Variants in ARRDC5 observed in about 807,000 individuals in gnomAD.
The protein encoded by ARRDC5 is arrestin domain containing 5.
A neutral mutation model predicts 13.3 loss-of-function variants in ARRDC5; 12 were observed. That is an observed-to-expected ratio of 0.90 (90% CI 0.58 to 1.46). The LOEUF (loss-of-function observed/expected upper bound fraction) is 1.46, where lower values mean the gene tolerates loss of function less well. ARRDC5 is among the 40% of genes most tolerant of loss of function. The pLI, the probability that ARRDC5 is intolerant of heterozygous loss-of-function variation, is 0.00. For synonymous variants in ARRDC5, 181 were observed against 173.4 expected, an observed-to-expected ratio of 1.04 and a Z score of -0.34; for missense variants, 406 against 418.7, an observed-to-expected ratio of 0.97 and a Z score of 0.26.
At chr19:4,913,212 A>G in the ARRDC5 span, among the ~76,000 whole-genome samples, 2 of 151,136 alleles carry the variant, frequency 1.3e-5, no homozygotes, top group East Asian at 1.9e-4. Flanking sequence ...TAGTGTGACA[A>G]TGACAGGAAC....
the ARRDC5 span, among the ~76,000 whole-genome samples, chr19:4,908,243 G>T: frequency 6.6e-6 from 1 of 152,036 alleles, no homozygotes; most frequent in Non-Finnish European, 1.5e-5. Context: ...AGGACGTGGG[G>T]GTCTAGAGAC....
At chr19:4,907,980 G>A in the ARRDC5 span, among the ~76,000 whole-genome samples, 1 of 151,984 alleles carries the variant, frequency 6.6e-6, no homozygotes, top group Non-Finnish European at 1.5e-5. Context: ...CCAAAGTGCT[G>A]GGATTACAGG....
In ARRDC5 at chr19:4,891,206, T is replaced by C. The variant is rs375874953; in HGVS notation, c.827A>G (p.His276Arg). 71 of 1,613,722 alleles carry C rather than the reference T, an allele frequency of 4.4e-5. No individual in the cohort carries two copies. Among genetic ancestry groups the C allele is most frequent in the Non-Finnish European group, 4.5e-5 (53 of 1,179,858 alleles). The change falls in exon 3 of 3, where the codon CAC (histidine) becomes CGC (arginine). Residue 276 changes from histidine (H) to arginine (R), a missense_variant. His to Arg is a conservative substitution (Grantham distance 29). Coordinates refer to ENST00000650722, the MANE Select transcript of ARRDC5 (RefSeq NM_001080523.3). ...GGTGGTGACCAGCTCGTAGCGAGTG[T>C]GCATGATCTCACCGTCCTGCGTGCT... is the stretch of plus-strand genomic sequence containing the variant. Reference protein sequence around the residue: ...SSSTQDGEIMHTRYELVTTVH... With the variant: ...SSSTQDGEIMRTRYELVTTVH...
At position 4,890,568 on chromosome 19, in the gene ARRDC5, T is replaced by C; in HGVS notation, c.*478A>G. The C allele has an allele frequency of 6.1e-6, 1 of 164,754 alleles. No individual in the cohort carries two copies. The allele number at this position is 164,754 out of a possible 1,614,324, so 10.2% of individuals were successfully genotyped here. On this transcript the variant is annotated 3_prime_UTR_variant, in exon 3 of 3. Transcript: ENST00000650722. Reference sequence around the variant, plus strand: ...CCACCATGCTCAGCCCCCTTGGTACTGTTGACATTCAGGATAAACAATTCC... The same window carrying C: ...CCACCATGCTCAGCCCCCTTGGTACCGTTGACATTCAGGATAAACAATTCC...
At chr19:4,900,102 G>A (rs1230027536) in intron 1 of ARRDC5, among the ~76,000 whole-genome samples, 1 of 147,884 alleles carries the variant, frequency 6.8e-6, no homozygotes, top group Non-Finnish European at 1.5e-5. Flanking sequence ...ACAGGCATGA[G>A]CCACCGCGCC....
intron 2 of ARRDC5, among the ~76,000 whole-genome samples, chr19:4,894,404 G>C (rs533204891): frequency 1.2e-3 from 183 of 147,858 alleles, no homozygotes; most frequent in African/African-American, 4.3e-3. Context: ...CCAGCTACTT[G>C]GGAGGCTGAG....
the ARRDC5 span, among the ~76,000 whole-genome samples, chr19:4,914,512 G>C: frequency 6.6e-6 from 1 of 152,230 alleles, no homozygotes; most frequent in East Asian, 1.9e-4. Flanking sequence ...GGAGGATCTC[G>C]TGGTGGTCTC....
At chr19:4,896,965 AT>A in intron 1 of ARRDC5, 89 bp from the exon 2 acceptor site, 1 of 951,010 alleles carries the variant, frequency 1.1e-6, no homozygotes, top group Non-Finnish European at 1.6e-6. Context: ...TTTTATATTT[AT>A]TTATTTTTGA....
the ARRDC5 span, among the ~76,000 whole-genome samples, chr19:4,914,103 G>A: frequency 2.0e-5 from 3 of 152,106 alleles, no homozygotes; most frequent in Non-Finnish European, 4.4e-5. Context: ...TGGGATTAGA[G>A]GTGTGAACCG....
In ARRDC5 at chr19:4,891,454, G is replaced by A. The variant is rs771433416; in HGVS notation, c.579C>T (p.Phe193=). ...NTFTPGEKVV[F]TTEINNQTSK... ...TGGTCTGGTTGTTGATCTCTGTTGT[G>A]AAGACGACCTTCTCTCCTGGCGTGA... The change falls in exon 3 of 3, where the codon TTC becomes TTT. Residue 193 remains phenylalanine (F), a synonymous_variant. Coordinates refer to ENST00000650722, the MANE Select transcript of ARRDC5 (RefSeq NM_001080523.3). 6 of 1,613,554 alleles carry A rather than the reference G, an allele frequency of 3.7e-6. No individual in the cohort carries two copies. Among genetic ancestry groups the A allele is most frequent in the African/African-American group, 1.3e-5 (1 of 74,938 alleles).
chr19:4,903,021 C>T, upstream of ARRDC5: 1 of 597,640 alleles, frequency 1.7e-6, no homozygotes, highest in East Asian at 2.9e-5. Context: ...CTGTAGTCCT[C>T]ACTGGTTCTT....
chr19:4,892,812 C>A (rs2031556257), intron 2 of ARRDC5, among the ~76,000 whole-genome samples: 1 of 151,890 alleles, frequency 6.6e-6, no homozygotes, highest in Non-Finnish European at 1.5e-5. Flanking sequence ...TATTTAGATT[C>A]TTGCCTATTC....
rs1179773818 is a variant in ARRDC5, at chr19:4,902,662, T to G, written c.164A>C (p.Glu55Ala). The stretch of plus-strand genomic sequence containing the variant: ...GCTATAATCACAGGATGCCCCGGCT[T>G]CTTCACTCCATTCGACGTAACCCCT... ...VGRGYVEWSEEAGASCDYSRN... is the reference protein window; with the variant it reads ...VGRGYVEWSEAAGASCDYSRN... Residue 55 changes from glutamate (E) to alanine (A), a missense_variant, in exon 1 of 3, where the codon GAA becomes GCA. By Grantham distance (107) the Glu-to-Ala change is moderately radical (BLOSUM62 -1). Coordinates refer to ENST00000650722, the MANE Select transcript of ARRDC5 (RefSeq NM_001080523.3). 3 of 1,614,040 alleles carry G rather than the reference T, an allele frequency of 1.9e-6. No homozygotes were observed. The highest frequency in any genetic ancestry group is 1.7e-6 in the Non-Finnish European group (2 of 1,179,898).
chr19:4,908,168 A>G, the ARRDC5 span, among the ~76,000 whole-genome samples: 1 of 152,128 alleles, frequency 6.6e-6, no homozygotes. Flanking sequence ...TAACTGAATC[A>G]CACCTGCAAA....
chr19:4,896,350 T>TA lies in ARRDC5; in HGVS notation c.459+320_459+321insT, dbSNP rs1568395937. Among the ~76,000 whole-genome samples the TA allele has an allele frequency of 6.1e-3, 352 of 57,598 alleles. 14 individuals are homozygous for TA. The highest frequency in any genetic ancestry group is 7.7e-3 in the Non-Finnish European group (269 of 34,848). 37.8% of individuals were successfully genotyped at this position (57,598 alleles called of 152,430 possible). A position where few individuals can be genotyped will look rare whatever the true frequency, so the allele number is the denominator to read the frequency against. On this transcript the variant is annotated intron_variant, in intron 2 of 2. Coordinates refer to ENST00000650722, the MANE Select transcript of ARRDC5 (RefSeq NM_001080523.3). ...AAAAAATATATATATATATATATATTTTTTTTTTTTTACACACACACACAC... is the reference window on the plus strand; with the variant it reads ...AAAAAATATATATATATATATATATTATTTTTTTTTTTACACACACACACAC...
At chr19:4,892,655 A>G (rs10404430) in intron 2 of ARRDC5, among the ~76,000 whole-genome samples, 43,547 of 151,982 alleles carry the variant, frequency 0.29, 7,024 homozygotes, top group Middle Eastern at 0.47. Context: ...CACTGTGCCC[A>G]GCCTGCTTTT....
At chr19:4,891,624 T>G (rs2031516652) in intron 2 of ARRDC5, 51 bp from the exon 3 acceptor site, 1 of 1,523,638 alleles carries the variant, frequency 6.6e-7, no homozygotes, top group African/African-American at 1.4e-5. Context: ...GACCACAAAA[T>G]CCACTTGCCT....
intron 2 of ARRDC5, among the ~76,000 whole-genome samples, chr19:4,892,702 AT>A (rs1174409999): frequency 6.6e-6 from 1 of 152,006 alleles, no homozygotes. Flanking sequence ...GCAAATTGTT[AT>A]TTCTGATATT....
upstream of ARRDC5, among the ~76,000 whole-genome samples, chr19:4,905,622 ATTC>A (rs1288821110): frequency 6.6e-6 from 1 of 151,806 alleles, no homozygotes; most frequent in African/African-American, 2.4e-5. Flanking sequence ...GGTTCAAGCA[ATTC>A]TTCTGCCTCT....
Sources: allele counts gnomAD v4.1 joint callset (sites outside exome capture counted in the v4.1 genomes callset), GRCh38; gene constraint gnomAD v4.1.1; transcripts MANE v1.5; gene names NCBI Gene and HGNC (gene_info 2026-07-23, HGNC 2026-07-21).